Variants in CELF6 observed in about 807,000 individuals in gnomAD.
The protein encoded by CELF6 is Bruno -like 6, RNA binding protein.
In CELF6, 32 loss-of-function variants were observed where a neutral mutation model predicts 53.1. The observed-to-expected ratio is 0.60, with a 90% CI of 0.46 to 0.81. The LOEUF is 0.81. Among genes scored for constraint, CELF6 ranks in the 30% least tolerant of loss-of-function variants. CELF6 has a pLI of 0.00. For synonymous variants in CELF6, 291 were observed against 288.8 expected (o/e 1.01, Z -0.08); for missense variants, 539 against 669.5 (o/e 0.81, Z 2.15).
chr15:72,288,943 G>T lies in CELF6; in HGVS notation c.1031-13C>A, dbSNP rs1164601954. The T allele has an allele frequency of 3.2e-6, 5 of 1,549,388 alleles. No homozygotes were observed. Among genetic ancestry groups the T allele is most frequent in the Non-Finnish European group, 4.4e-6 (5 of 1,146,178 alleles). On this transcript the variant is annotated splice_polypyrimidine_tract_variant and intron_variant, in intron 8 of 12. Transcript: ENST00000287202. This position sits in a 1 kb window ranked among gnomAD's most constrained non-coding sequence, Gnocchi z 4.6. ...CCGGGGCTCTGGGCTGGGGAGAGAG[G>T]GGCGCGAGGCCCACAGTGAAGGCAA...
intron 3 of CELF6, 122 bp from the exon 4 acceptor site, chr15:72,290,377 G>T: frequency 8.3e-7 from 1 of 1,202,228 alleles, no homozygotes; most frequent in Non-Finnish European, 1.1e-6. Flanking sequence ...GAGTGAGAAG[G>T]CCCTGGGCTT....
intron 11 of CELF6, 102 bp from the exon 12 acceptor site, chr15:72,287,494 C>T: frequency 7.8e-7 from 1 of 1,277,460 alleles, no homozygotes; most frequent in Non-Finnish European, 1.1e-6. Context: ...AGGCCAGTTC[C>T]ATCAAACACA....
intron 2 of CELF6, among the ~76,000 whole-genome samples, chr15:72,309,228 G>A (rs2088267549): frequency 6.6e-6 from 1 of 152,168 alleles, no homozygotes; most frequent in Non-Finnish European, 1.5e-5. Context: ...AGGGTTTTAA[G>A]TAGAGGAATC....
In CELF6 at chr15:72,288,180, T is replaced by G; in HGVS notation, c.1318+128A>C. ...TAAACTTAGGCCCATCACTGGTTTG[T>G]GACCCTGTTTTGTGCCATACATTCA... On this transcript the variant is annotated intron_variant, in intron 11 of 12. Coordinates refer to ENST00000287202, the MANE Select transcript of CELF6 (RefSeq NM_052840.5). This position sits in a 1 kb window ranked among gnomAD's most constrained non-coding sequence, Gnocchi z 4.6. 9.4e-7 allele frequency: 1 copy of G among 1,060,254 alleles called. No homozygotes were observed. The allele number at this position is 1,060,254 out of a possible 1,614,324, so 65.7% of individuals were successfully genotyped here.
intron 2 of CELF6, among the ~76,000 whole-genome samples, chr15:72,306,867 G>A (rs1047311777): frequency 1.3e-5 from 2 of 152,184 alleles, no homozygotes; most frequent in African/African-American, 4.8e-5. Flanking sequence ...GCCATGGAGA[G>A]CAGAGACACA....
rs1430674613 is a variant in CELF6, at chr15:72,290,184, G to C, written c.466C>G (p.Pro156Ala). ...GEEDVRRLFQ[P>A]FGHIEECTVL... The stretch of plus-strand genomic sequence containing the variant: ...GTGCACTCCTCGATGTGGCCAAAGG[G>C]CTGGAACAGGCGTCTGACGTCCTCC... Residue 156 changes from proline (P) to alanine (A), a missense_variant, in exon 4 of 13, where the codon CCC (proline) becomes GCC (alanine). Coordinates refer to ENST00000287202, the MANE Select transcript of CELF6 (RefSeq NM_052840.5). 3 of 1,613,900 alleles carry C rather than the reference G, an allele frequency of 1.9e-6. No homozygotes were observed. In the African/African-American group the frequency reaches 4.0e-5, roughly 22 times the overall value.
intron 3 of CELF6, among the ~76,000 whole-genome samples, chr15:72,304,043 C>G (rs1267172233): frequency 1.3e-5 from 2 of 151,914 alleles, no homozygotes; most frequent in Non-Finnish European, 2.9e-5. Flanking sequence ...GCTAATTTAT[C>G]TATTTGTAGT....
intron 2 of CELF6, among the ~76,000 whole-genome samples, chr15:72,309,887 C>A (rs1182942263): frequency 2.0e-5 from 3 of 152,156 alleles, no homozygotes; most frequent in Non-Finnish European, 4.4e-5. Context: ...GGAGTCCAGG[C>A]CCATGTCTGC....
Position 72,290,200 on chromosome 15 carries a change from G to T in CELF6, c.450C>A (p.Val150=). Residue 150 remains valine, a synonymous_variant, in exon 4 of 13, where the codon GTC becomes GTA. Transcript: ENST00000287202. ...GGCCAAAGGGCTGGAACAGGCGTCT[G>T]ACGTCCTCCTCACCCTGCTGCTTGC... ...MLGKQQGEED[V]RRLFQPFGHI... The T allele has an allele frequency of 6.2e-7, 1 of 1,613,940 alleles. No individual in the cohort carries two copies. The highest frequency in any genetic ancestry group is 8.5e-7 in the Non-Finnish European group (1 of 1,179,962).
At chr15:72,315,054 C>T (rs187644920) in intron 2 of CELF6, among the ~76,000 whole-genome samples, 8 of 152,306 alleles carry the variant, frequency 5.3e-5, no homozygotes, top group Non-Finnish European at 7.3e-5. Context: ...TGTAGACAAA[C>T]GACTCTCTTA....
rs2087968350 is a variant in CELF6, at chr15:72,289,301, A to G, written c.881-14T>C. The stretch of plus-strand genomic sequence containing the variant: ...GGGAGTTGGCTGCTGATGGCGGAAA[A>G]GGTCTGAGAGTCAGGCCGCCACCCC... On this transcript the variant is annotated splice_polypyrimidine_tract_variant and intron_variant, in intron 7 of 12. Transcript: ENST00000287202. This position sits in a 1 kb window ranked among gnomAD's most constrained non-coding sequence, Gnocchi z 7.6. The G allele has an allele frequency of 6.4e-7, 1 of 1,556,966 alleles. No homozygotes were observed. Among genetic ancestry groups the G allele is most frequent in the East Asian group, 2.3e-5 (1 of 42,676 alleles).
At chr15:72,297,834 A>G (rs750140248) in intron 3 of CELF6, among the ~76,000 whole-genome samples, 54 of 152,366 alleles carry the variant, frequency 3.5e-4, no homozygotes, top group Admixed American at 1.0e-3. Flanking sequence ...GAATGTACTT[A>G]GCTCTAGTAA....
chr15:72,294,505 A>C (rs1231283854), intron 3 of CELF6, among the ~76,000 whole-genome samples: 1 of 152,254 alleles, frequency 6.6e-6, no homozygotes, highest in East Asian at 1.9e-4. Flanking sequence ...GGAAGTAGCC[A>C]GGACGAGAAG....
chr15:72,285,639 G>T lies in CELF6; in HGVS notation c.*732C>A, dbSNP rs765739073. Reference sequence around the variant, plus strand: ...GGGCCTCCCGGGATGGCAAAGGCCAGGGCCAACCTGAGCTCTGCCTGGGGC... The same window carrying T: ...GGGCCTCCCGGGATGGCAAAGGCCATGGCCAACCTGAGCTCTGCCTGGGGC... On this transcript the variant is annotated 3_prime_UTR_variant, in exon 13 of 13. Coordinates refer to ENST00000287202, the MANE Select transcript of CELF6 (RefSeq NM_052840.5). 1 of 152,348 alleles carries T rather than the reference G, an allele frequency of 6.6e-6. No individual in the cohort carries two copies. Among genetic ancestry groups the T allele is most frequent in the Admixed American group, 6.5e-5 (1 of 15,284 alleles). 9.4% of individuals were successfully genotyped at this position (152,348 alleles called of 1,614,324 possible).
rs572604635 is a variant in CELF6 at position 72,304,659 on chromosome 15, T to A, written c.394+87A>T. 3 of 1,245,562 alleles carry A rather than the reference T, an allele frequency of 2.4e-6. No individual in the cohort carries two copies. The East Asian group carries it at 7.0e-5, about 29-fold the overall frequency. 77.2% of individuals were successfully genotyped at this position (1,245,562 alleles called of 1,614,324 possible). ...TCCCCTTGACCCAGGGAGGCTCTCA[T>A]ACTAAATGGGTAGGACAGACTCCAG... On this transcript the variant is annotated intron_variant, in intron 3 of 12. Coordinates refer to ENST00000287202, the MANE Select transcript of CELF6 (RefSeq NM_052840.5).
chr15:72,295,921 C>G (rs1287811700), intron 3 of CELF6, among the ~76,000 whole-genome samples: 2 of 152,078 alleles, frequency 1.3e-5, no homozygotes, highest in African/African-American at 4.8e-5. Context: ...TATGGAATCT[C>G]AAGGGACTCC....
intron 2 of CELF6, among the ~76,000 whole-genome samples, chr15:72,309,615 G>T (rs925824455): frequency 6.6e-6 from 1 of 152,196 alleles, no homozygotes; most frequent in Admixed American, 6.5e-5. Context: ...AGTGGTGATG[G>T]AGGACACCTG....
chr15:72,289,829 C>G lies in CELF6; in HGVS notation c.604-59G>C. 1 of 1,474,762 alleles carries G rather than the reference C, an allele frequency of 6.8e-7. No individual in the cohort carries two copies. Among genetic ancestry groups the G allele is most frequent in the Non-Finnish European group, 9.0e-7 (1 of 1,115,676 alleles). The allele number at this position is 1,474,762 out of a possible 1,614,324, so 91.4% of individuals were successfully genotyped here. On this transcript the variant is annotated intron_variant, in intron 5 of 12. Transcript: ENST00000287202. The surrounding 1 kb of genome is among the most constrained non-coding windows in gnomAD (Gnocchi z 7.6). ...CCTGACCCTGGCCCCGGCCCGGGGC[C>G]GAGCGCCTTTCCCATCAGGTCCTTT...
In CELF6 at chr15:72,288,890, G is replaced by C. The variant is rs369096275; in HGVS notation, c.1071C>G (p.Tyr357Ter). The C allele has an allele frequency of 3.2e-6, 5 of 1,550,868 alleles. No individual in the cohort carries two copies. The highest frequency in any genetic ancestry group is 2.0e-5 in the Admixed American group (1 of 51,010). Residue 357 changes from tyrosine to a stop codon, truncating the protein, a stop_gained, in exon 9 of 13, where the codon TAC becomes TAG. Coordinates refer to ENST00000287202, the MANE Select transcript of CELF6 (RefSeq NM_052840.5). LOFTEE classifies it high-confidence loss of function. This position sits in a 1 kb window ranked among gnomAD's most constrained non-coding sequence, Gnocchi z 4.6. ...AACCTGCGTAGTGGTGCATCCCAGCGTAGGCCTGCTGCAGGGGGTCAGCCA... is the reference window on the plus strand; with the variant it reads ...AACCTGCGTAGTGGTGCATCCCAGCCTAGGCCTGCTGCAGGGGGTCAGCCA... ...PGVADPLQQA[Y>*]AGMHHYAAAY...
Sources: allele counts gnomAD v4.1 joint callset (sites outside exome capture counted in the v4.1 genomes callset), GRCh38; gene constraint gnomAD v4.1.1; non-coding constraint Gnocchi (gnomAD v3.1); transcripts MANE v1.5; gene names NCBI Gene and HGNC (gene_info 2026-07-23, HGNC 2026-07-21).